The following GRIP1 variants were observed in gnomAD, a reference collection of about 807,000 sequenced individuals.
GRIP1 encodes the protein glutamate receptor-interacting protein 1.
Under a neutral mutation model 129.9 loss-of-function variants are expected in GRIP1, and 45 were observed. That is an observed-to-expected ratio of 0.35 (90% confidence interval 0.27 to 0.44). The LOEUF (loss-of-function observed/expected upper bound fraction) is 0.44. GRIP1 is among the 20% of genes least tolerant of loss of function. The pLI is 1.00. For missense variants in GRIP1, 1,196 were observed against 1,396.8 expected, an observed-to-expected ratio of 0.86 and a Z score of 2.29; for synonymous variants, 530 against 520.8, an observed-to-expected ratio of 1.02 and a Z score of -0.24.
chr12:66,422,882 G>A (rs2057857174), intron 14 of GRIP1, among the ~76,000 whole-genome samples: 1 of 152,146 alleles, frequency 6.6e-6, no homozygotes, highest in South Asian at 2.1e-4. Flanking sequence ...AGATCTGTAT[G>A]AGATCCTGCC....
intron 15 of GRIP1, among the ~76,000 whole-genome samples, chr12:66,415,143 T>G (rs915573277): frequency 2.6e-4 from 39 of 151,848 alleles, no homozygotes; most frequent in Non-Finnish European, 5.4e-4. Flanking sequence ...TGGGATATAA[T>G]TAAACTAAAG....
chr12:66,778,961 C>T (rs1418108350), intron 1 of GRIP1, among the ~76,000 whole-genome samples: 3 of 152,176 alleles, frequency 2.0e-5, no homozygotes, highest in Admixed American at 1.3e-4. Context: ...TGAGGAAGAA[C>T]TCTATCCCGT....
At chr12:66,958,847 G>T (rs1472775678) in intron 1 of GRIP1, among the ~76,000 whole-genome samples, 1 of 152,116 alleles carries the variant, frequency 6.6e-6, no homozygotes, top group Non-Finnish European at 1.5e-5. Context: ...AGAGTTTAGG[G>T]CTTTTGATGC....
intron 1 of GRIP1, among the ~76,000 whole-genome samples, chr12:67,058,198 A>C (rs189804864): frequency 6.6e-6 from 1 of 152,338 alleles, no homozygotes; most frequent in Admixed American, 6.5e-5. Context: ...GTTATTCTCT[A>C]CTGTTTTATC....
intron 1 of GRIP1, among the ~76,000 whole-genome samples, chr12:66,838,958 G>A (rs1181430804): frequency 6.6e-6 from 1 of 152,118 alleles, no homozygotes; most frequent in East Asian, 1.9e-4. Context: ...GAAACAATGA[G>A]CTGCCTTGAT....
At chr12:66,591,951 T>C (rs1282223699) in intron 2 of GRIP1, among the ~76,000 whole-genome samples, 4 of 152,156 alleles carry the variant, frequency 2.6e-5, no homozygotes, top group Admixed American at 6.5e-5. Context: ...AGAGTCTCAA[T>C]AGTAGAACTA....
At chr12:66,781,853 G>C (rs1386129055) in intron 1 of GRIP1, among the ~76,000 whole-genome samples, 1 of 152,134 alleles carries the variant, frequency 6.6e-6, no homozygotes, top group Non-Finnish European at 1.5e-5. Flanking sequence ...AGCCATTTTT[G>C]AAAACTATTT....
In GRIP1 at chr12:66,453,474, G is replaced by A. The variant is rs189720981; in HGVS notation, c.1354+1935C>T. Among the ~76,000 whole-genome samples the A allele has an allele frequency of 1.6e-4, 25 of 152,248 alleles. No homozygotes were observed. The East Asian group carries it at 3.9e-3, about 23-fold the overall frequency. On this transcript the variant is annotated intron_variant, in intron 11 of 24. Coordinates refer to ENST00000359742, the MANE Select transcript of GRIP1 (RefSeq NM_001366722.1). ...ATTACATAGAAGACTAAAGATCTAC[G>A]TATTATGCCAAAATGTACCCCTCGT...
intron 1 of GRIP1, among the ~76,000 whole-genome samples, chr12:66,919,474 T>A (rs539418817): frequency 6.6e-6 from 1 of 152,266 alleles, no homozygotes; most frequent in South Asian, 2.1e-4. Flanking sequence ...TGGGGAAAAA[T>A]TGCAAATTCT....
chr12:66,518,779 C>T (rs142228372), intron 5 of GRIP1, among the ~76,000 whole-genome samples: 4 of 152,308 alleles, frequency 2.6e-5, no homozygotes, highest in African/African-American at 9.6e-5. Flanking sequence ...TAACTGATAT[C>T]TCTTTTCCTT....
intron 22 of GRIP1, among the ~76,000 whole-genome samples, chr12:66,373,529 C>T (rs868394116): frequency 1.3e-5 from 2 of 152,236 alleles, no homozygotes; most frequent in Non-Finnish European, 2.9e-5. Context: ...GAGTTTTCAT[C>T]TGTCACGTCT....
At chr12:66,815,850 TTCTTTCTCTC>T (rs1280261339) in intron 1 of GRIP1, among the ~76,000 whole-genome samples, 8 of 65,492 alleles carry the variant, frequency 1.2e-4, no homozygotes, top group South Asian at 1.3e-3. Flanking sequence ...CTTTCTTTCT[TTCTTTCTCTC>T]TCTCTCTCTC....
chr12:66,367,327 C>T (rs2055210647), intron 23 of GRIP1, among the ~76,000 whole-genome samples: 1 of 152,206 alleles, frequency 6.6e-6, no homozygotes, highest in South Asian at 2.1e-4. Context: ...CCAGCTGTTG[C>T]CTATGATTTC....
chr12:66,959,277 C>G (rs75295549), intron 1 of GRIP1, among the ~76,000 whole-genome samples: 3,974 of 151,898 alleles, frequency 0.026, 172 homozygotes, highest in African/African-American at 0.09. Context: ...ATAATTTAAA[C>G]TAATTTATAG....
intron 16 of GRIP1, among the ~76,000 whole-genome samples, chr12:66,405,264 C>G (rs2057150395): frequency 6.6e-6 from 1 of 152,144 alleles, no homozygotes; most frequent in African/African-American, 2.4e-5. Context: ...GTATAATCAG[C>G]AGAACCATAT....
At chr12:66,675,764 T>C (rs2034298114) in intron 1 of GRIP1, among the ~76,000 whole-genome samples, 1 of 152,208 alleles carries the variant, frequency 6.6e-6, no homozygotes, top group Non-Finnish European at 1.5e-5. Context: ...TTCTTTAGAT[T>C]TCAATATTAG....
intron 1 of GRIP1, among the ~76,000 whole-genome samples, chr12:66,936,879 A>G (rs1029148173): frequency 1.2e-4 from 19 of 152,226 alleles, no homozygotes; most frequent in Non-Finnish European, 1.9e-4. Flanking sequence ...GTCCAGGGTC[A>G]AACCTCCCAT....
chr12:66,678,035 A>C (rs752522061), intron 1 of GRIP1, among the ~76,000 whole-genome samples: 5 of 152,164 alleles, frequency 3.3e-5, no homozygotes, highest in Non-Finnish European at 7.3e-5. Context: ...TTCTATCTAA[A>C]GGAAATAAGG....
At chr12:66,619,572 A>G (rs1175370267) in intron 1 of GRIP1, among the ~76,000 whole-genome samples, 2 of 152,142 alleles carry the variant, frequency 1.3e-5, no homozygotes, top group Non-Finnish European at 2.9e-5. Flanking sequence ...CATGTGCCAG[A>G]AGTAAAAGAA....
Sources: gnomAD v4.1 joint callset for allele counts (sites outside exome capture counted in the v4.1 genomes callset) on GRCh38, gnomAD v4.1.1 for gene constraint, MANE v1.5 for transcripts, NCBI Gene and HGNC (gene_info 2026-07-23, HGNC 2026-07-21) for gene names.